Variants in C10orf67 observed in about 807,000 individuals in gnomAD.
C10orf67 encodes uncharacterized protein C10orf67, mitochondrial.
A neutral mutation model predicts 35.6 loss-of-function variants in C10orf67; 60 were observed. The ratio of observed to expected loss-of-function variants is 1.68; its 90% confidence interval spans 1.37 to 2.09. The LOEUF is 2.09. Ranked by LOEUF, C10orf67 falls within the 30% of genes most tolerant of loss-of-function variation. The pLI, the probability that C10orf67 is intolerant of heterozygous loss-of-function variation, is 0.00. For synonymous variants in C10orf67, 167 were observed against 115.8 expected (o/e 1.44, Z -2.84); for missense variants, 474 against 330.2 (o/e 1.44, Z -3.38).
At position 23,229,464 on chromosome 10, in the gene C10orf67, A is replaced by G. The variant is rs1030242486; in HGVS notation, c.1435-5646T>C. On this transcript the variant is annotated intron_variant, in intron 13 of 15. Transcript: ENST00000636213. ...GGGGGGAGGGGGGAGGGATAGCATT[A>G]GGAGATATACCTAATGTAAATGATG... Among the ~76,000 whole-genome samples the G allele has an allele frequency of 2.7e-5, 4 of 150,814 alleles. 1 individual carries two copies. The East Asian group carries it at 7.9e-4, about 30-fold the overall frequency.
chr10:23,278,910 G>C (rs2132229757), intron 8 of C10orf67, among the ~76,000 whole-genome samples: 1 of 152,242 alleles, frequency 6.6e-6, no homozygotes, highest in Middle Eastern at 3.4e-3. Flanking sequence ...ACACCCTCAG[G>C]AGAGCTCTTC....
chr10:23,292,832 A>G (rs1490496210), intron 5 of C10orf67, among the ~76,000 whole-genome samples: 1 of 152,100 alleles, frequency 6.6e-6, no homozygotes, highest in Non-Finnish European at 1.5e-5. Context: ...CATTTCACTT[A>G]AATTATTTGA....
intron 13 of C10orf67, among the ~76,000 whole-genome samples, chr10:23,237,831 A>G (rs12257110): frequency 0.033 from 4,990 of 152,300 alleles, 255 homozygotes; most frequent in African/African-American, 0.11. Flanking sequence ...TGCAGGGATG[A>G]TGGAAATGCT....
chr10:23,330,766 A>G (rs1283339256), intron 2 of C10orf67, among the ~76,000 whole-genome samples: 2 of 151,694 alleles, frequency 1.3e-5, no homozygotes, highest in African/African-American at 4.8e-5. Context: ...AAAATAACAG[A>G]AGCATAAACG....
chr10:23,340,513 C>T (rs969983058), intron 1 of C10orf67, among the ~76,000 whole-genome samples: 5 of 152,148 alleles, frequency 3.3e-5, no homozygotes, highest in African/African-American at 1.2e-4. Flanking sequence ...GAGGGGCAGC[C>T]GGAAATGGCA....
chr10:23,270,616 T>A (rs960776512), intron 8 of C10orf67, among the ~76,000 whole-genome samples: 2 of 152,188 alleles, frequency 1.3e-5, no homozygotes, highest in Admixed American at 6.5e-5. Flanking sequence ...GCCTTACAGG[T>A]TAAGACCCAC....
chr10:23,278,878 A>G (rs1320236892), intron 8 of C10orf67, among the ~76,000 whole-genome samples: 1 of 152,216 alleles, frequency 6.6e-6, no homozygotes. Flanking sequence ...CATGGGGCTC[A>G]TTCTGATGAA....
intron 7 of C10orf67, among the ~76,000 whole-genome samples, chr10:23,285,383 A>G (rs1588652629): frequency 6.7e-6 from 1 of 148,542 alleles, no homozygotes; most frequent in African/African-American, 2.4e-5. Flanking sequence ...ATATTATATT[A>G]TATTTATATA....
chr10:23,239,818 T>G lies in C10orf67; in HGVS notation c.1347-2A>C, dbSNP rs1394687247. 4.9e-6 allele frequency: 3 copies of G among 613,714 alleles called. No homozygotes were observed. The highest frequency in any genetic ancestry group is 1.8e-5 in the African/African-American group (1 of 56,230). 38.0% of individuals were successfully genotyped at this position (613,714 alleles called of 1,614,324 possible). On this transcript the variant is annotated splice_acceptor_variant, in intron 12 of 15. Coordinates refer to ENST00000636213, the MANE Select transcript of C10orf67 (RefSeq NM_001371909.1). LOFTEE classifies it high-confidence loss of function. ...ATCTCATTCTTAAGGACATGAAAGC[T>G]GAAATTTTAAAAATGATGAAACTTA...
rs186852463 is a variant in C10orf67, at chr10:23,289,946, A to T, written c.863T>A (p.Ile288Lys). 1 of 717,076 alleles carries T rather than the reference A, an allele frequency of 1.4e-6. No homozygotes were observed. The highest frequency in any genetic ancestry group is 2.6e-6 in the Non-Finnish European group (1 of 384,918). The allele number at this position is 717,076 out of a possible 1,614,324, so 44.4% of individuals were successfully genotyped here. The change falls in exon 7 of 16, where the codon ATA (isoleucine) becomes AAA (lysine). Residue 288 changes from isoleucine (I) to lysine (K), a missense_variant. Transcript: ENST00000636213. The part of the protein sequence containing the change: ...KENSGLEDEL[I>K]SMKEMAEKDH... Reference sequence around the variant, plus strand: ...CTTTTCTGCCATCTCTTTCATACTTATAAGTTCATCTTCTGTAAACAAAAG... The same window carrying T: ...CTTTTCTGCCATCTCTTTCATACTTTTAAGTTCATCTTCTGTAAACAAAAG...
At chr10:23,279,598 G>T (rs143871434) in intron 8 of C10orf67, among the ~76,000 whole-genome samples, 1 of 152,314 alleles carries the variant, frequency 6.6e-6, no homozygotes, top group African/African-American at 2.4e-5. Context: ...GGATGAAGCA[G>T]ATGGAAATGA....
At chr10:23,244,321 A>G (rs185692725) in intron 12 of C10orf67, among the ~76,000 whole-genome samples, 1 of 152,354 alleles carries the variant, frequency 6.6e-6, no homozygotes, top group Admixed American at 6.5e-5. Context: ...TACTTAGAAG[A>G]AAATATATAG....
chr10:23,254,916 C>G (rs1032976234), intron 10 of C10orf67, among the ~76,000 whole-genome samples: 1 of 152,110 alleles, frequency 6.6e-6, no homozygotes, highest in African/African-American at 2.4e-5. Context: ...ACCTCTATAC[C>G]CTTTAAATCG....
chr10:23,308,338 C>A (rs758571505), intron 4 of C10orf67, among the ~76,000 whole-genome samples: 7 of 152,210 alleles, frequency 4.6e-5, no homozygotes, highest in African/African-American at 7.2e-5. Context: ...CTCCAATCTT[C>A]ATCCAGTAGC....
chr10:23,283,253 C>T (rs1399581115), intron 7 of C10orf67, among the ~76,000 whole-genome samples: 1 of 152,122 alleles, frequency 6.6e-6, no homozygotes, highest in Non-Finnish European at 1.5e-5. Flanking sequence ...ACTGCAGGGC[C>T]CTTGTTCCCT....
At chr10:23,313,746 T>C (rs1844585587) in intron 4 of C10orf67, among the ~76,000 whole-genome samples, 1 of 152,074 alleles carries the variant, frequency 6.6e-6, no homozygotes, top group South Asian at 2.1e-4. Context: ...AAGTTTTAGC[T>C]AAGAAGTGGA....
At chr10:23,344,392 C>G (rs2132434033) in intron 1 of C10orf67, 177 bp downstream of exon 1, 2 of 660,278 alleles carry the variant, frequency 3.0e-6, no homozygotes, top group Non-Finnish European at 2.6e-6. Flanking sequence ...CAAGCCACCC[C>G]GCTGCGCTTT....
intron 10 of C10orf67, among the ~76,000 whole-genome samples, chr10:23,256,504 C>CAT (rs770729209): frequency 4.1e-4 from 63 of 152,242 alleles, no homozygotes; most frequent in South Asian, 8.3e-4. Context: ...AGATGAGAGC[C>CAT]ATGAACAGTT....
intron 1 of C10orf67, among the ~76,000 whole-genome samples, chr10:23,339,305 G>A (rs1255355198): frequency 6.6e-6 from 1 of 151,372 alleles, no homozygotes; most frequent in African/African-American, 2.4e-5. Flanking sequence ...GGTGAACAAC[G>A]GAGTCAAGGA....
Sources: allele counts gnomAD v4.1 joint callset (sites outside exome capture counted in the v4.1 genomes callset), GRCh38; gene constraint gnomAD v4.1.1; transcripts MANE v1.5; gene names NCBI Gene and HGNC (gene_info 2026-07-23, HGNC 2026-07-21).